The following STRA6 variants were observed in gnomAD, a reference collection of about 807,000 sequenced individuals.
STRA6 encodes the protein signaling receptor and transporter of retinol STRA6.
STRA6 carries 48 observed loss-of-function variants against 83.6 expected under a neutral mutation model. The ratio of observed to expected loss-of-function variants is 0.57; its 90% CI spans 0.46 to 0.73. The LOEUF (loss-of-function observed/expected upper bound fraction) is 0.73, where lower values mean the gene tolerates loss of function less well. Among genes scored for constraint, STRA6 ranks in the 30% least tolerant of loss-of-function variants. The pLI is 0.00. For synonymous variants in STRA6, 353 were observed against 362.3 expected (o/e 0.97, Z 0.29); for missense variants, 760 against 838.8 (o/e 0.91, Z 1.16).
rs1428891711 is a variant in STRA6, at chr15:74,197,419, A to G, written c.185T>C (p.Leu62Pro). 1.3e-6 allele frequency: 2 copies of G among 1,550,546 alleles called. No homozygotes were observed. Among genetic ancestry groups the G allele is most frequent in the East Asian group, 2.4e-5 (1 of 40,922 alleles). ...CAGCATGGCCAGGAGCAGCAGCACA[A>G]GGATCTGAAAGGAGAGTGCAGAGGA... is the stretch of plus-strand genomic sequence containing the variant. Reference protein sequence around the residue: ...YHACLASLSILVLLLLAMLVR... With the variant: ...YHACLASLSIPVLLLLAMLVR... The change falls in exon 4 of 19, where the codon CTT becomes CCT. Residue 62 changes from leucine to proline, a missense_variant. Coordinates refer to ENST00000395105, the MANE Select transcript of STRA6 (RefSeq NM_022369.4).
chr15:74,183,454 C>G, intron 14 of STRA6: 2 of 1,072,930 alleles, frequency 1.9e-6, no homozygotes, highest in Non-Finnish European at 2.3e-6. Context: ...CCATGTTGGC[C>G]AGGCTGGTCT....
chr15:74,203,779 A>G (rs1427085990), upstream of STRA6, among the ~76,000 whole-genome samples: 2 of 152,180 alleles, frequency 1.3e-5, no homozygotes, highest in Non-Finnish European at 2.9e-5. Flanking sequence ...GGTCTGTACC[A>G]TGGGAAACCA....
upstream of STRA6, chr15:74,203,032 A>T: frequency 8.1e-6 from 8 of 985,646 alleles, no homozygotes; most frequent in Non-Finnish European, 9.6e-6. Flanking sequence ...CAGAGCTCCC[A>T]AGCCCCTGCC....
intron 2 of STRA6, among the ~76,000 whole-genome samples, chr15:74,198,236 A>T (rs2073911629): frequency 6.6e-6 from 1 of 151,914 alleles, no homozygotes; most frequent in Non-Finnish European, 1.5e-5. Context: ...CCTCATGAGT[A>T]GCTGGGACCA....
At position 74,195,316 on chromosome 15, in the gene STRA6, G is replaced by GACACTCTGCCCTCTGCCAA. The variant is rs1064793275; in HGVS notation, c.582_583insTTGGCAGAGGGCAGAGTGT (p.Pro195LeufsTer46). 2 of 1,612,696 alleles carry GACACTCTGCCCTCTGCCAA rather than the reference G, an allele frequency of 1.2e-6. No individual in the cohort carries two copies. Among genetic ancestry groups the GACACTCTGCCCTCTGCCAA allele is most frequent in the Admixed American group, 3.3e-5 (2 of 59,982 alleles). On this transcript the variant is annotated frameshift_variant, in exon 7 of 19. Coordinates refer to ENST00000395105, the MANE Select transcript of STRA6 (RefSeq NM_022369.4). LOFTEE classifies it high-confidence loss of function. Reference sequence around the variant, plus strand: ...TCAGCGGTTACCTTGGGCACCTGGGGACACTCTGCCCTCTGCCAGACCTGG... The same window carrying GACACTCTGCCCTCTGCCAA: ...TCAGCGGTTACCTTGGGCACCTGGGGACACTCTGCCCTCTGCCAAACACTCTGCCCTCTGCCAGACCTGG...
In STRA6 at chr15:74,180,877, G is replaced by A; in HGVS notation, c.1745C>T (p.Thr582Ile). 1 of 1,614,130 alleles carries A rather than the reference G, an allele frequency of 6.2e-7. No homozygotes were observed. The highest frequency in any genetic ancestry group is 8.5e-7 in the Non-Finnish European group (1 of 1,180,016). The change falls in exon 18 of 19, where the codon ACA becomes ATA. Residue 582 changes from threonine (T) to isoleucine (I), a missense_variant. Transcript: ENST00000395105. ...TTGCAGGAGCAGGGAGCAGAAGGCT[G>A]TCATGGCTGGATGCGACTGGCTGAC... The part of the protein sequence containing the change: ...IEVSQSHPAM[T>I]AFCSLLLQAQ...
chr15:74,208,173 T>C, intron 1 of STRA6: 1 of 542,558 alleles, frequency 1.8e-6, no homozygotes, highest in Non-Finnish European at 2.5e-6. Flanking sequence ...AGGCTAGTAC[T>C]GACCTGGAGG....
chr15:74,197,115 C>T (rs896456022), intron 4 of STRA6, among the ~76,000 whole-genome samples: 8 of 152,160 alleles, frequency 5.3e-5, no homozygotes, highest in Non-Finnish European at 1.0e-4. Context: ...GGGTTGGAGT[C>T]CTTTCTCCCA....
chr15:74,207,985 C>T, intron 1 of STRA6: 1 of 1,417,658 alleles, frequency 7.1e-7, no homozygotes, highest in South Asian at 1.5e-5. Context: ...GTGGGAGGGT[C>T]AGAAGCACCA....
At chr15:74,181,023 G>A in intron 17 of STRA6, 86 bp from the exon 18 acceptor site, 1 of 1,550,668 alleles carries the variant, frequency 6.4e-7, no homozygotes, top group African/African-American at 1.4e-5. Flanking sequence ...CACACAGGGA[G>A]TGCACGTGCA....
intron 11 of STRA6, among the ~76,000 whole-genome samples, chr15:74,190,190 T>G (rs2073462950): frequency 6.6e-6 from 1 of 152,180 alleles, no homozygotes; most frequent in African/African-American, 2.4e-5. Context: ...CATCTATCTA[T>G]CTAAACTTTG....
intron 18 of STRA6, 83 bp from the exon 19 acceptor site, chr15:74,180,326 G>C: frequency 1.3e-6 from 2 of 1,563,144 alleles, no homozygotes; most frequent in South Asian, 1.1e-5. Context: ...CAGAGAGCCT[G>C]AAAATCCCAG....
At chr15:74,198,726 C>A (rs576131276) in intron 2 of STRA6, among the ~76,000 whole-genome samples, 6 of 152,324 alleles carry the variant, frequency 3.9e-5, no homozygotes, top group African/African-American at 1.4e-4. Flanking sequence ...AGCAGGCCAC[C>A]CTGCTCACCA....
chr15:74,204,796 G>A (rs1025983152), upstream of STRA6, among the ~76,000 whole-genome samples: 19 of 152,244 alleles, frequency 1.2e-4, no homozygotes, highest in Admixed American at 2.6e-4. Context: ...TTAGCCGGAC[G>A]TGGTGGCGCA....
At position 74,196,391 on chromosome 15, in the gene STRA6, C is replaced by T; in HGVS notation, c.267-244G>A. On this transcript the variant is annotated intron_variant, in intron 4 of 18. Transcript: ENST00000395105. The stretch of plus-strand genomic sequence containing the variant: ...AGTGGGAAGAAGCCCTAAGACTGCT[C>T]CTCCGCCCACCCTGGAAGCTCCAGG... 3 of 562,664 alleles carry T rather than the reference C, an allele frequency of 5.3e-6. No individual in the cohort carries two copies. The South Asian group carries it at 6.1e-5, about 11-fold the overall frequency. 34.9% of individuals were successfully genotyped at this position (562,664 alleles called of 1,614,324 possible). A position where few individuals can be genotyped will look rare whatever the true frequency, so the allele number is the denominator to read the frequency against.
Position 74,191,187 on chromosome 15 carries a change from C to G in STRA6, c.845G>C (p.Cys282Ser). The G allele has an allele frequency of 6.2e-7, 1 of 1,613,428 alleles. No homozygotes were observed. The highest frequency in any genetic ancestry group is 8.5e-7 in the Non-Finnish European group (1 of 1,179,802). ...LSWARVCLRHCIYTPQPGFHL... is the reference protein window; with the variant it reads ...LSWARVCLRHSIYTPQPGFHL... ...CATACCTGGCTGTGGAGTGTAGATG[C>G]AGTGTCTCAAGCAGACGCGGGCCCA... The change falls in exon 10 of 19, where the codon TGC (cysteine) becomes TCC (serine). Residue 282 changes from cysteine (C) to serine (S), a missense_variant. Cys to Ser is a moderately radical substitution (Grantham distance 112). Transcript: ENST00000395105.
upstream of STRA6, among the ~76,000 whole-genome samples, chr15:74,210,887 A>G (rs1269185654): frequency 6.6e-6 from 1 of 152,214 alleles, no homozygotes; most frequent in Non-Finnish European, 1.5e-5. Context: ...GGTGAAAAAC[A>G]GTTGTGATAG....
intron 17 of STRA6, 58 bp from the exon 18 acceptor site, chr15:74,180,995 C>T: frequency 6.2e-7 from 1 of 1,603,794 alleles, no homozygotes; most frequent in Non-Finnish European, 8.5e-7. Flanking sequence ...TGGAGGCATC[C>T]AGACATCCCC....
upstream of STRA6, among the ~76,000 whole-genome samples, chr15:74,206,347 T>G (rs2074261761): frequency 1.3e-5 from 2 of 152,166 alleles, no homozygotes; most frequent in African/African-American, 4.8e-5. Context: ...CCAAGGTACC[T>G]CCTCAGCTTG....
Sources: allele counts gnomAD v4.1 joint callset (sites outside exome capture counted in the v4.1 genomes callset), GRCh38; gene constraint gnomAD v4.1.1; transcripts MANE v1.5; gene names NCBI Gene and HGNC (gene_info 2026-07-23, HGNC 2026-07-21).